The following SUCLG2 variants were observed in gnomAD, a reference collection of about 807,000 sequenced individuals.
SUCLG2 encodes the protein succinate--CoA ligase [GDP-forming] subunit beta, mitochondrial.
In SUCLG2, 42 loss-of-function variants were observed where a neutral mutation model predicts 47.9. That is an observed-to-expected ratio of 0.88 (90% CI 0.69 to 1.14). The LOEUF is 1.14. SUCLG2 is among the 50% of genes most tolerant of loss of function. SUCLG2 has a pLI of 0.00. For synonymous variants in SUCLG2, 195 were observed against 197.3 expected (o/e 0.99, Z 0.10); for missense variants, 571 against 525.9 (o/e 1.09, Z -0.84).
At chr3:67,571,927 C>G (rs1707623295) in intron 2 of SUCLG2, among the ~76,000 whole-genome samples, 1 of 152,128 alleles carries the variant, frequency 6.6e-6, no homozygotes, top group African/African-American at 2.4e-5. Flanking sequence ...CCTTGTGTGT[C>G]CATTTTCTTC....
intron 1 of SUCLG2, among the ~76,000 whole-genome samples, chr3:67,629,391 C>A (rs373994475): frequency 3.3e-5 from 5 of 152,244 alleles, no homozygotes; most frequent in East Asian, 3.9e-4. Flanking sequence ...CAATAAGTCA[C>A]TAGAACAACT....
At chr3:67,402,102 T>C (rs889865363) in intron 9 of SUCLG2, among the ~76,000 whole-genome samples, 2 of 152,226 alleles carry the variant, frequency 1.3e-5, no homozygotes, top group African/African-American at 2.4e-5. Flanking sequence ...TCATTGATGT[T>C]GTTGCTAGGG....
intron 2 of SUCLG2, among the ~76,000 whole-genome samples, chr3:67,539,980 A>G (rs1706656908): frequency 6.6e-6 from 1 of 150,688 alleles, no homozygotes; most frequent in Admixed American, 6.6e-5. Context: ...CAGACTATCT[A>G]TTTTGTTAGC....
intron 9 of SUCLG2, among the ~76,000 whole-genome samples, chr3:67,485,417 C>T (rs1473680256): frequency 1.3e-5 from 2 of 152,142 alleles, no homozygotes; most frequent in African/African-American, 4.8e-5. Flanking sequence ...TAATTCCCTG[C>T]TTTAAGCAAA....
At chr3:67,467,318 T>C (rs1432172660) in intron 9 of SUCLG2, among the ~76,000 whole-genome samples, 3 of 152,212 alleles carry the variant, frequency 2.0e-5, no homozygotes, top group South Asian at 2.1e-4. Flanking sequence ...TATTGAGGAA[T>C]AGGAAGTTAT....
At chr3:67,428,507 A>G (rs1703368519) in intron 9 of SUCLG2, among the ~76,000 whole-genome samples, 1 of 152,228 alleles carries the variant, frequency 6.6e-6, no homozygotes, top group African/African-American at 2.4e-5. Flanking sequence ...CAGAGCAGAA[A>G]AGCTGAAAAT....
intron 2 of SUCLG2, among the ~76,000 whole-genome samples, chr3:67,603,472 A>C (rs764489666): frequency 2.0e-5 from 3 of 152,252 alleles, no homozygotes; most frequent in Non-Finnish European, 4.4e-5. Flanking sequence ...CATATTGACG[A>C]ATGGAAACAT....
At chr3:67,408,167 C>T (rs1702858001) in intron 9 of SUCLG2, among the ~76,000 whole-genome samples, 1 of 152,120 alleles carries the variant, frequency 6.6e-6, no homozygotes, top group Non-Finnish European at 1.5e-5. Context: ...CACTTTTCTA[C>T]CTTTGGTATA....
chr3:67,622,462 A>T (rs1232730300), intron 1 of SUCLG2, among the ~76,000 whole-genome samples: 1 of 152,218 alleles, frequency 6.6e-6, no homozygotes, highest in Non-Finnish European at 1.5e-5. Context: ...TTCATCACTT[A>T]TACTTTACGT....
intron 2 of SUCLG2, among the ~76,000 whole-genome samples, chr3:67,608,470 A>C (rs1700464785): frequency 6.6e-6 from 1 of 152,124 alleles, no homozygotes; most frequent in Non-Finnish European, 1.5e-5. Context: ...CATGGATCAC[A>C]ATTTCCTTTT....
At chr3:67,549,639 T>C (rs1706958337) in intron 2 of SUCLG2, among the ~76,000 whole-genome samples, 2 of 152,194 alleles carry the variant, frequency 1.3e-5, no homozygotes, top group African/African-American at 4.8e-5. Flanking sequence ...AGAGAAAAAC[T>C]ATTTTCAAAT....
chr3:67,498,052 G>C, intron 8 of SUCLG2, 82 bp downstream of exon 8: 1 of 1,391,336 alleles, frequency 7.2e-7, no homozygotes, highest in Non-Finnish European at 9.8e-7. Flanking sequence ...ACTTCTTCTT[G>C]GTAAGTGACA....
chr3:67,453,891 T>C (rs1198741293), intron 9 of SUCLG2, among the ~76,000 whole-genome samples: 2 of 152,210 alleles, frequency 1.3e-5, no homozygotes, highest in Non-Finnish European at 2.9e-5. Context: ...TATCTAGATA[T>C]AACCAGAATG....
chr3:67,543,722 G>T (rs1173980708), intron 2 of SUCLG2, among the ~76,000 whole-genome samples: 1 of 152,156 alleles, frequency 6.6e-6, no homozygotes, highest in African/African-American at 2.4e-5. Flanking sequence ...ACCTTAAGTG[G>T]CTAGGGAGTA....
chr3:67,405,669 T>C (rs1286222769), intron 9 of SUCLG2, among the ~76,000 whole-genome samples: 1 of 152,166 alleles, frequency 6.6e-6, no homozygotes, highest in African/African-American at 2.4e-5. Context: ...ACACCATATG[T>C]ATTCAGGAGA....
At chr3:67,544,490 G>A (rs941707262) in intron 2 of SUCLG2, among the ~76,000 whole-genome samples, 1 of 151,972 alleles carries the variant, frequency 6.6e-6, no homozygotes, top group Non-Finnish European at 1.5e-5. Flanking sequence ...CTTCCCCTTC[G>A]CCTTCCACCA....
intron 9 of SUCLG2, among the ~76,000 whole-genome samples, chr3:67,456,629 A>G (rs1469362058): frequency 6.6e-6 from 1 of 152,240 alleles, no homozygotes; most frequent in East Asian, 1.9e-4. Context: ...ATCAATTGTA[A>G]GCCAGACAGG....
intron 10 of SUCLG2, among the ~76,000 whole-genome samples, chr3:67,390,279 A>G (rs547595891): frequency 6.6e-6 from 1 of 152,334 alleles, no homozygotes; most frequent in East Asian, 1.9e-4. Context: ...TCTAATATGC[A>G]GCCCACATTT....
intron 9 of SUCLG2, among the ~76,000 whole-genome samples, chr3:67,450,268 C>G (rs1704025196): frequency 6.6e-6 from 1 of 152,268 alleles, no homozygotes; most frequent in East Asian, 1.9e-4. Context: ...TCTCGAACAC[C>G]TGGGCTGAAG....
Sources: allele counts gnomAD v4.1 joint callset (sites outside exome capture counted in the v4.1 genomes callset), GRCh38; gene constraint gnomAD v4.1.1; transcripts MANE v1.5; gene names NCBI Gene and HGNC (gene_info 2026-07-23, HGNC 2026-07-21).